Variants in PTPN1 observed in about 807,000 individuals in gnomAD.
The protein encoded by PTPN1 is protein tyrosine phosphatase non-receptor type 1.
PTPN1 carries 12 observed loss-of-function variants against 59.9 expected under a neutral mutation model. The ratio of observed to expected loss-of-function variants is 0.20; its 90% CI spans 0.13 to 0.32. The LOEUF (loss-of-function observed/expected upper bound fraction) is 0.32. PTPN1 is among the 10% of genes least tolerant of loss of function. PTPN1 has a pLI of 1.00. For synonymous variants in PTPN1, 178 were observed against 203.6 expected, an observed-to-expected ratio of 0.87 and a Z score of 1.07; for missense variants, 356 against 549.2, an observed-to-expected ratio of 0.65 and a Z score of 3.52.
At chr20:50,550,836 G>A (rs938323800) in intron 1 of PTPN1, among the ~76,000 whole-genome samples, 1 of 152,222 alleles carries the variant, frequency 6.6e-6, no homozygotes. Context: ...GCTTTAAAAT[G>A]AGTAATGCAT....
intron 1 of PTPN1, among the ~76,000 whole-genome samples, chr20:50,512,856 T>G (rs115982930): frequency 5.3e-5 from 8 of 152,174 alleles, no homozygotes; most frequent in African/African-American, 1.9e-4. Context: ...TGTTTACAAT[T>G]GATAGAAAAT....
At chr20:50,523,710 A>G (rs1288559801) in intron 1 of PTPN1, among the ~76,000 whole-genome samples, 2 of 152,242 alleles carry the variant, frequency 1.3e-5, no homozygotes, top group African/African-American at 4.8e-5. Context: ...GAATAAAGAT[A>G]ATCTCAGTTC....
At chr20:50,576,054 T>C (rs1345409006) in intron 5 of PTPN1, among the ~76,000 whole-genome samples, 1 of 152,220 alleles carries the variant, frequency 6.6e-6, no homozygotes, top group Non-Finnish European at 1.5e-5. Context: ...ATGTGAGTGC[T>C]TTCTGCCCTC....
intron 1 of PTPN1, among the ~76,000 whole-genome samples, chr20:50,516,501 G>A (rs2082529640): frequency 6.6e-6 from 1 of 152,162 alleles, no homozygotes; most frequent in South Asian, 2.1e-4. Flanking sequence ...ACAATTTAAT[G>A]TTCCTGAATA....
intron 1 of PTPN1, among the ~76,000 whole-genome samples, chr20:50,551,035 G>C (rs2082700062): frequency 6.6e-6 from 1 of 152,212 alleles, no homozygotes; most frequent in Admixed American, 6.5e-5. Flanking sequence ...AATATTGCCA[G>C]CTTTTCACCC....
intron 1 of PTPN1, among the ~76,000 whole-genome samples, chr20:50,534,384 A>AT (rs1159485195): frequency 6.6e-6 from 1 of 152,204 alleles, no homozygotes; most frequent in Admixed American, 6.5e-5. Flanking sequence ...TACCGTGAAA[A>AT]TATGCTGCAT....
At chr20:50,569,907 A>G (rs2082799412) in intron 4 of PTPN1, among the ~76,000 whole-genome samples, 1 of 152,220 alleles carries the variant, frequency 6.6e-6, no homozygotes, top group Non-Finnish European at 1.5e-5. Flanking sequence ...AACACTGCCA[A>G]CCCTGCTGCG....
intron 1 of PTPN1, among the ~76,000 whole-genome samples, chr20:50,554,118 GGC>G (rs2082715456): frequency 6.6e-6 from 1 of 152,188 alleles, no homozygotes; most frequent in South Asian, 2.1e-4. Context: ...CAGTAGGCCT[GGC>G]ACACTGTCTC....
intron 1 of PTPN1, among the ~76,000 whole-genome samples, chr20:50,516,720 C>T (rs897790358): frequency 6.6e-6 from 1 of 152,106 alleles, no homozygotes; most frequent in Non-Finnish European, 1.5e-5. Context: ...GTACGCTATG[C>T]TTTTGCAGTT....
chr20:50,567,325 G>C (rs1335533073), intron 3 of PTPN1, among the ~76,000 whole-genome samples: 1 of 152,096 alleles, frequency 6.6e-6, no homozygotes, highest in Non-Finnish European at 1.5e-5. Flanking sequence ...TACTTGGGAG[G>C]CTGAGACAGG....
At chr20:50,525,850 A>G (rs1373213069) in intron 1 of PTPN1, among the ~76,000 whole-genome samples, 1 of 152,124 alleles carries the variant, frequency 6.6e-6, no homozygotes, top group Non-Finnish European at 1.5e-5. Flanking sequence ...ATGGGGTAAA[A>G]GAACCATAGT....
In PTPN1 at chr20:50,583,535, A is replaced by G. The variant is rs1341122332; in HGVS notation, c.*820A>G. On this transcript the variant is annotated 3_prime_UTR_variant, in exon 10 of 10. Transcript: ENST00000371621. ...GTCTTCTTGTGTCCTGATGAAAAAT[A>G]TGTGCTTGAAATGAGAAACTTTGAT... The G allele has an allele frequency of 6.6e-6, 1 of 152,270 alleles. No homozygotes were observed. Among genetic ancestry groups the G allele is most frequent in the Non-Finnish European group, 1.5e-5 (1 of 68,080 alleles). 9.4% of individuals were successfully genotyped at this position (152,270 alleles called of 1,614,324 possible).
intron 1 of PTPN1, among the ~76,000 whole-genome samples, chr20:50,521,673 C>T (rs1468555868): frequency 1.3e-5 from 2 of 152,194 alleles, no homozygotes; most frequent in South Asian, 2.1e-4. Context: ...AATTGGCCAC[C>T]CACAGTCATA....
chr20:50,565,470 A>T (rs996733121), intron 3 of PTPN1, among the ~76,000 whole-genome samples: 3 of 152,240 alleles, frequency 2.0e-5, no homozygotes, highest in African/African-American at 7.2e-5. Flanking sequence ...CTCTGTCCAG[A>T]GCCATTCAGA....
intron 1 of PTPN1, among the ~76,000 whole-genome samples, chr20:50,526,126 G>GT (rs1436376715): frequency 6.6e-6 from 1 of 152,088 alleles, no homozygotes; most frequent in East Asian, 1.9e-4. Context: ...CTCTTTCACT[G>GT]TATGTATTTG....
At chr20:50,515,870 C>A (rs2082526808) in intron 1 of PTPN1, among the ~76,000 whole-genome samples, 1 of 152,182 alleles carries the variant, frequency 6.6e-6, no homozygotes, top group Non-Finnish European at 1.5e-5. Context: ...TGGGAGAAGG[C>A]CCCCACCACA....
intron 5 of PTPN1, chr20:50,575,036 A>G (rs1180758013): frequency 1.1e-5 from 2 of 184,748 alleles, no homozygotes; most frequent in African/African-American, 4.7e-5. Flanking sequence ...AAGAAGGGGT[A>G]TAGGGGCTCA....
chr20:50,523,455 G>A (rs2082560010), intron 1 of PTPN1, among the ~76,000 whole-genome samples: 1 of 152,232 alleles, frequency 6.6e-6, no homozygotes, highest in African/African-American at 2.4e-5. Flanking sequence ...TTTTGTGTAT[G>A]TGAAATTAAA....
chr20:50,539,231 CT>C (rs35521717), intron 1 of PTPN1, among the ~76,000 whole-genome samples: 78,862 of 151,376 alleles, frequency 0.52, 21,081 homozygotes, highest in African/African-American at 0.66. Context: ...GACAAGGTTT[CT>C]TCCATGTTGG....
Sources: gnomAD v4.1 joint callset for allele counts (sites outside exome capture counted in the v4.1 genomes callset) on GRCh38, gnomAD v4.1.1 for gene constraint, MANE v1.5 for transcripts, NCBI Gene and HGNC (gene_info 2026-07-23, HGNC 2026-07-21) for gene names.